Variants in NDUFAF2 observed in about 807,000 individuals in gnomAD.
The protein encoded by NDUFAF2 is NADH dehydrogenase [ubiquinone] 1 alpha subcomplex assembly factor 2.
In NDUFAF2, 13 loss-of-function variants were observed where a neutral mutation model predicts 22.8. The observed-to-expected ratio is 0.57, with a 90% confidence interval of 0.37 to 0.91. The LOEUF (loss-of-function observed/expected upper bound fraction) is 0.91. Ranked by LOEUF, NDUFAF2 falls within the 40% of genes least tolerant of loss-of-function variation. The probability of loss-of-function intolerance (pLI) is 0.01; values close to 1 mark genes in which losing one functional copy is unlikely to be tolerated. For synonymous variants in NDUFAF2, 53 were observed against 64.2 expected (o/e 0.83, Z 0.84); for missense variants, 162 against 195.2 (o/e 0.83, Z 1.01).
intron 3 of NDUFAF2, among the ~76,000 whole-genome samples, chr5:61,109,799 T>A (rs1293276119): frequency 6.6e-6 from 1 of 152,184 alleles, no homozygotes; most frequent in Non-Finnish European, 1.5e-5. Context: ...CTCTTTCCCT[T>A]CCACCATAAT....
intron 2 of NDUFAF2, among the ~76,000 whole-genome samples, chr5:61,079,307 C>T (rs931434677): frequency 6.6e-6 from 1 of 152,148 alleles, no homozygotes; most frequent in African/African-American, 2.4e-5. Flanking sequence ...TCAAAGTAAG[C>T]TTCATAAAAT....
At chr5:61,053,475 G>A (rs1346659849) in intron 1 of NDUFAF2, among the ~76,000 whole-genome samples, 4 of 152,104 alleles carry the variant, frequency 2.6e-5, no homozygotes, top group Admixed American at 1.3e-4. Context: ...AGCAATCACA[G>A]GTCTTACATG....
At chr5:61,112,363 A>G (rs112780843) in intron 3 of NDUFAF2, among the ~76,000 whole-genome samples, 5,014 of 151,754 alleles carry the variant, frequency 0.033, 307 homozygotes, top group African/African-American at 0.12. Flanking sequence ...GCAGGCATGC[A>G]CCACCATGCC....
chr5:61,121,023 G>A lies in NDUFAF2; in HGVS notation c.258+21991G>A, dbSNP rs1041562323. On this transcript the variant is annotated intron_variant, in intron 3 of 3. Transcript: ENST00000296597. ...TTTTTTTAATGGGCGGAATAATGGT[G>A]TTTAAGAGAATTGTATTGATCACAT... 2.0e-5 allele frequency among the ~76,000 whole-genome samples: 3 copies of A among 152,120 alleles called. No homozygotes were observed. The East Asian group carries it at 5.8e-4, about 29-fold the overall frequency.
At chr5:61,101,181 T>A (rs1390753915) in intron 3 of NDUFAF2, among the ~76,000 whole-genome samples, 11 of 152,082 alleles carry the variant, frequency 7.2e-5, no homozygotes, top group Non-Finnish European at 4.4e-5. Flanking sequence ...AACAAAAAAA[T>A]AGCTTATTTA....
At position 61,053,923 on chromosome 5, in the gene NDUFAF2, T is replaced by A. The variant is rs190333251; in HGVS notation, c.128-19202T>A. On this transcript the variant is annotated intron_variant, in intron 1 of 3. Transcript: ENST00000296597. ...AATAGTAGAAAAAACAACTGAACTT[T>A]AAAAAACAATTAAAAATTTTAATTT... 6.1e-3 allele frequency among the ~76,000 whole-genome samples: 933 copies of A among 152,218 alleles called. 5 individuals carry two copies. The highest frequency in any genetic ancestry group is 0.01 in the Non-Finnish European group (702 of 67,998).
rs187330768 is a variant in NDUFAF2 at position 61,113,461 on chromosome 5, C to G, written c.258+14429C>G. Among the ~76,000 whole-genome samples the G allele has an allele frequency of 7.2e-3, 1,100 of 152,218 alleles. 10 individuals are homozygous for G. The highest frequency in any genetic ancestry group is 0.025 in the African/African-American group (1,058 of 41,544). On this transcript the variant is annotated intron_variant, in intron 3 of 3. Transcript: ENST00000296597. ...GATATGGTTTGGCTGTGTCCCCACC[C>G]AAATCTCATCTTGCATTGTAGTTCC...
At position 61,060,239 on chromosome 5, in the gene NDUFAF2, A is replaced by C. The variant is rs191188965; in HGVS notation, c.128-12886A>C. Among the ~76,000 whole-genome samples, 348 of 152,310 alleles carry C rather than the reference A, an allele frequency of 2.3e-3. 1 individual carries two copies. The highest frequency in any genetic ancestry group is 7.9e-3 in the African/African-American group (329 of 41,582). On this transcript the variant is annotated intron_variant, in intron 1 of 3. Coordinates refer to ENST00000296597, the MANE Select transcript of NDUFAF2 (RefSeq NM_174889.5). ...AACTGAGTAACTTTAGTCAAATTACACTTCAAGTCATGTGTAAAAATGGCT... is the reference window on the plus strand; with the variant it reads ...AACTGAGTAACTTTAGTCAAATTACCCTTCAAGTCATGTGTAAAAATGGCT...
At chr5:61,007,941 G>A (rs1309264424) in intron 1 of NDUFAF2, among the ~76,000 whole-genome samples, 1 of 151,994 alleles carries the variant, frequency 6.6e-6, no homozygotes, top group Non-Finnish European at 1.5e-5. Context: ...AGAAAATGTG[G>A]CACATATACA....
At chr5:60,982,620 GTT>G (rs1473120159) in intron 1 of NDUFAF2, among the ~76,000 whole-genome samples, 1 of 138,086 alleles carries the variant, frequency 7.2e-6, no homozygotes. Context: ...TCATTGTTCA[GTT>G]CCCACCTATG....
intron 2 of NDUFAF2, chr5:61,083,179 G>A (rs1752464770): frequency 6.6e-6 from 1 of 150,932 alleles, no homozygotes. Flanking sequence ...CTTTTGAGAA[G>A]TGTTTGTTCA....
intron 1 of NDUFAF2, among the ~76,000 whole-genome samples, chr5:61,027,683 C>A (rs1050874717): frequency 6.6e-6 from 1 of 151,860 alleles, no homozygotes; most frequent in Non-Finnish European, 1.5e-5. Context: ...TCCTTGCCCA[C>A]CCCACTTGAG....
chr5:60,973,086 A>G (rs1750857162), intron 1 of NDUFAF2, among the ~76,000 whole-genome samples: 1 of 152,064 alleles, frequency 6.6e-6, no homozygotes, highest in Admixed American at 6.6e-5. Flanking sequence ...ATAACATATA[A>G]TTAGGTTGTC....
intron 3 of NDUFAF2, among the ~76,000 whole-genome samples, chr5:61,126,115 T>C (rs1753033307): frequency 6.6e-6 from 1 of 152,076 alleles, no homozygotes; most frequent in Non-Finnish European, 1.5e-5. Flanking sequence ...TAAAAAAATA[T>C]GTTTTTCTTT....
chr5:61,078,307 G>A (rs1752394912), intron 2 of NDUFAF2, among the ~76,000 whole-genome samples: 1 of 152,106 alleles, frequency 6.6e-6, no homozygotes, highest in South Asian at 2.1e-4. Context: ...TTTGTTGAAT[G>A]AATGCATTTC....
At chr5:60,945,484 C>T in intron 1 of NDUFAF2, 102 bp downstream of exon 1, 1 of 1,499,010 alleles carries the variant, frequency 6.7e-7, no homozygotes, top group Non-Finnish European at 9.3e-7. Context: ...TCATGCGACA[C>T]TTAGGGTGTC....
intron 1 of NDUFAF2, among the ~76,000 whole-genome samples, chr5:60,990,854 C>T (rs1427277887): frequency 2.0e-5 from 3 of 152,012 alleles, no homozygotes; most frequent in African/African-American, 7.3e-5. Context: ...TATTTCCTCC[C>T]AGATATGGAT....
rs751818190 is a variant in NDUFAF2, at chr5:61,152,946, C to T, written c.501C>T (p.His167=). The part of the protein sequence containing the change: ...GSWMPRDGKS[H]NQ The stretch of plus-strand genomic sequence containing the variant: ...GGATGCCACGAGATGGCAAGAGCCA[C>T]AATCAATGAATGCATTATGGTCAAA... Residue 167 remains histidine, a synonymous_variant, in exon 4 of 4, where the codon CAC becomes CAT. Transcript: ENST00000296597. The T allele has an allele frequency of 1.9e-6, 3 of 1,613,870 alleles. No homozygotes were observed. The highest frequency in any genetic ancestry group is 2.2e-5 in the South Asian group (2 of 91,052).
At chr5:61,121,227 G>A (rs1752972382) in intron 3 of NDUFAF2, among the ~76,000 whole-genome samples, 1 of 151,948 alleles carries the variant, frequency 6.6e-6, no homozygotes. Context: ...ATATACACAT[G>A]TTCATTATAT....
Sources: allele counts gnomAD v4.1 joint callset (sites outside exome capture counted in the v4.1 genomes callset), GRCh38; gene constraint gnomAD v4.1.1; transcripts MANE v1.5; gene names NCBI Gene and HGNC (gene_info 2026-07-23, HGNC 2026-07-21).